The following NUF2 variants were observed in gnomAD, a reference collection of about 807,000 sequenced individuals.
NUF2 encodes kinetochore protein Nuf2.
NUF2 carries 34 observed loss-of-function variants against 61.8 expected under a neutral mutation model. That is an observed-to-expected ratio of 0.55 (90% CI 0.42 to 0.73). NUF2 has a LOEUF of 0.73. NUF2 is among the 30% of genes least tolerant of loss of function. The pLI, the probability that NUF2 is intolerant of heterozygous loss-of-function variation, is 0.00. For synonymous variants in NUF2, 172 were observed against 181.6 expected (o/e 0.95, Z 0.42); for missense variants, 445 against 539.1 (o/e 0.83, Z 1.73).
At chr1:163,331,155 G>A (rs1044203799) in intron 5 of NUF2, among the ~76,000 whole-genome samples, 1 of 151,072 alleles carries the variant, frequency 6.6e-6, no homozygotes, top group African/African-American at 2.4e-5. Flanking sequence ...TCATTATTAA[G>A]TATTCGTTGT....
intron 5 of NUF2, among the ~76,000 whole-genome samples, chr1:163,336,169 CT>C (rs35212467): frequency 0.42 from 63,136 of 151,836 alleles, 13,493 homozygotes; most frequent in South Asian, 0.59. Context: ...TGAATTTTAC[CT>C]TGTTGGTTAA....
chr1:163,344,090 G>A (rs17362993), intron 10 of NUF2, among the ~76,000 whole-genome samples: 18,316 of 151,964 alleles, frequency 0.12, 1,252 homozygotes, highest in South Asian at 0.23. Flanking sequence ...ACAATTTTTC[G>A]AGGCTTTTCT....
At chr1:163,340,473 T>A in intron 9 of NUF2, 47 bp downstream of exon 9, 1 of 1,369,962 alleles carries the variant, frequency 7.3e-7, no homozygotes. Context: ...GAATATATTG[T>A]GTGGAGGAGT....
chr1:163,342,354 T>C (rs1210498080), intron 9 of NUF2, among the ~76,000 whole-genome samples: 3 of 152,108 alleles, frequency 2.0e-5, no homozygotes, highest in East Asian at 1.9e-4. Context: ...ACTTATTAAG[T>C]TTAGACCTTT....
At chr1:163,335,405 G>A (rs1650724811) in intron 5 of NUF2, among the ~76,000 whole-genome samples, 3 of 152,012 alleles carry the variant, frequency 2.0e-5, no homozygotes, top group Admixed American at 2.0e-4. Flanking sequence ...TTGTCTTCTG[G>A]CTTACATTGT....
chr1:163,339,544 AG>A, intron 8 of NUF2, 67 bp downstream of exon 8: 1 of 885,738 alleles, frequency 1.1e-6, no homozygotes, highest in East Asian at 2.5e-5. Context: ...TGGGACATAT[AG>A]TGGAGGTAAC....
intron 7 of NUF2, among the ~76,000 whole-genome samples, chr1:163,338,373 G>A (rs1054524255): frequency 3.3e-5 from 5 of 151,876 alleles, no homozygotes; most frequent in Non-Finnish European, 7.4e-5. Context: ...CCTGATTTAT[G>A]TCTGGAATAT....
intron 12 of NUF2, among the ~76,000 whole-genome samples, chr1:163,348,685 A>G (rs572864027): frequency 6.6e-6 from 1 of 152,266 alleles, no homozygotes; most frequent in South Asian, 2.1e-4. Flanking sequence ...TGATTGATTG[A>G]TTGATTTACT....
At chr1:163,331,943 T>C (rs2345031) in intron 5 of NUF2, among the ~76,000 whole-genome samples, 38,484 of 151,660 alleles carry the variant, frequency 0.25, 4,995 homozygotes, top group Middle Eastern at 0.39. Context: ...TAATTGACTT[T>C]TCTGTATTTC....
chr1:163,346,354 T>C (rs1053490897), intron 11 of NUF2: 9 of 152,184 alleles, frequency 5.9e-5, no homozygotes, highest in Admixed American at 5.2e-4. Context: ...AGTACAATGA[T>C]GTGAGATGAT....
intron 5 of NUF2, among the ~76,000 whole-genome samples, chr1:163,333,215 C>G (rs1256414247): frequency 3.9e-5 from 6 of 152,066 alleles, no homozygotes; most frequent in Admixed American, 6.6e-5. Flanking sequence ...CTGAAATATA[C>G]TTGATTTTAT....
chr1:163,324,009 A>C (rs1016165665), intron 1 of NUF2, among the ~76,000 whole-genome samples: 2 of 152,152 alleles, frequency 1.3e-5, no homozygotes, highest in African/African-American at 4.8e-5. Flanking sequence ...TAGACCAACC[A>C]TATCTGGAGT....
At chr1:163,324,277 A>G (rs1176747677) in intron 1 of NUF2, among the ~76,000 whole-genome samples, 3 of 152,244 alleles carry the variant, frequency 2.0e-5, no homozygotes, top group Non-Finnish European at 4.4e-5. Context: ...TGCAGTGACT[A>G]CATAGGACCA....
chr1:163,327,994 A>G (rs554355719), intron 3 of NUF2: 2 of 419,954 alleles, frequency 4.8e-6, no homozygotes, highest in African/African-American at 4.1e-5. Context: ...ATAATACCTG[A>G]TATTTAGTAA....
intron 1 of NUF2, chr1:163,323,067 A>G (rs758981325): frequency 9.2e-5 from 14 of 152,250 alleles, no homozygotes; most frequent in Non-Finnish European, 1.8e-4. Flanking sequence ...AGCCTAGCAG[A>G]AAAATTTGAA....
At chr1:163,331,195 A>G (rs79102106) in intron 5 of NUF2, among the ~76,000 whole-genome samples, 1 of 151,764 alleles carries the variant, frequency 6.6e-6, no homozygotes, top group Non-Finnish European at 1.5e-5. Flanking sequence ...TTTTATCAGA[A>G]TGTACAACTT....
chr1:163,352,865 C>CA (rs529145033), intron 13 of NUF2, among the ~76,000 whole-genome samples: 312 of 134,282 alleles, frequency 2.3e-3, no homozygotes, highest in South Asian at 0.014. Context: ...GACTCCGTCT[C>CA]AAAAAAAAAA....
intron 1 of NUF2, among the ~76,000 whole-genome samples, chr1:163,323,522 C>G (rs556123326): frequency 6.6e-6 from 1 of 152,182 alleles, no homozygotes; most frequent in Non-Finnish European, 1.5e-5. Context: ...AGTTCAAGAC[C>G]AGACTGGGCA....
chr1:163,344,417 G>A (rs1651049728), intron 10 of NUF2, among the ~76,000 whole-genome samples: 1 of 151,312 alleles, frequency 6.6e-6, no homozygotes, highest in African/African-American at 2.4e-5. Flanking sequence ...AAGTACAGGT[G>A]GAAGAGGGAA....
Sources: allele counts gnomAD v4.1 joint callset (sites outside exome capture counted in the v4.1 genomes callset), GRCh38; gene constraint gnomAD v4.1.1; transcripts MANE v1.5; gene names NCBI Gene and HGNC (gene_info 2026-07-23, HGNC 2026-07-21).